Variants in GOLM2 observed in about 807,000 individuals in gnomAD.
GOLM2 encodes golgi membrane protein 2.
In GOLM2, 26 loss-of-function variants were observed where a neutral mutation model predicts 55.9. The observed-to-expected ratio is 0.47, with a 90% CI of 0.34 to 0.65. The LOEUF (loss-of-function observed/expected upper bound fraction) is 0.65, where lower values mean the gene tolerates loss of function less well. GOLM2 is among the 30% of genes least tolerant of loss of function. The pLI is 0.01. For synonymous variants in GOLM2, 165 were observed against 194.6 expected, an observed-to-expected ratio of 0.85 and a Z score of 1.27; for missense variants, 486 against 531.8, an observed-to-expected ratio of 0.91 and a Z score of 0.85.
At chr15:44,366,929 A>G (rs116295398) in intron 6 of GOLM2, among the ~76,000 whole-genome samples, 1,809 of 152,280 alleles carry the variant, frequency 0.012, 42 homozygotes, top group East Asian at 0.094. Flanking sequence ...TTTGGTAGAG[A>G]TTATTTTTCT....
chr15:44,361,834 G>C (rs1222691587), intron 6 of GOLM2, among the ~76,000 whole-genome samples: 2 of 152,120 alleles, frequency 1.3e-5, no homozygotes, highest in Admixed American at 6.5e-5. Flanking sequence ...ACATCAAAAA[G>C]CTTATCCGCC....
intron 8 of GOLM2, among the ~76,000 whole-genome samples, chr15:44,396,157 C>T (rs2079525487): frequency 6.6e-6 from 1 of 152,052 alleles, no homozygotes; most frequent in African/African-American, 2.4e-5. Context: ...GAGTTCGAGA[C>T]CAGCCTGGCC....
intron 5 of GOLM2, 136 bp from the exon 6 acceptor site, chr15:44,338,101 A>C (rs974906580): frequency 5.1e-6 from 5 of 974,162 alleles, no homozygotes; most frequent in Non-Finnish European, 7.7e-6. Context: ...AGTTACAGCT[A>C]TGTCCAAAGC....
chr15:44,340,003 G>A (rs552564422), intron 6 of GOLM2, among the ~76,000 whole-genome samples: 1 of 151,660 alleles, frequency 6.6e-6, no homozygotes, highest in Non-Finnish European at 1.5e-5. Context: ...TAGTTTTTTT[G>A]TAGAGATAAG....
chr15:44,357,840 T>C (rs2079207887), intron 6 of GOLM2, among the ~76,000 whole-genome samples: 1 of 152,202 alleles, frequency 6.6e-6, no homozygotes, highest in African/African-American at 2.4e-5. Flanking sequence ...ATAAATTTAA[T>C]AAAATGTGTG....
At chr15:44,338,750 G>C (rs777988354) in intron 6 of GOLM2, among the ~76,000 whole-genome samples, 7 of 152,084 alleles carry the variant, frequency 4.6e-5, no homozygotes, top group African/African-American at 1.4e-4. Context: ...GGCTTGGCTT[G>C]TCCTTTTAGT....
chr15:44,318,566 G>C (rs967192452), intron 1 of GOLM2, among the ~76,000 whole-genome samples: 6 of 152,152 alleles, frequency 3.9e-5, no homozygotes, highest in African/African-American at 1.4e-4. Context: ...AAAATTAGCT[G>C]TGTGTGGTGG....
rs1269058108 is a variant in GOLM2 at position 44,309,150 on chromosome 15, G to C, written c.328-13815G>C. ...AAGGTGAAAGATAACAAATGTTGGT[G>C]AGGATGTGGAGAAAGGGGAACCCTT... On this transcript the variant is annotated intron_variant, in intron 1 of 9. Transcript: ENST00000299957. Among the ~76,000 whole-genome samples the C allele has an allele frequency of 1.1e-4, 16 of 152,190 alleles. 1 individual carries two copies. Among genetic ancestry groups the C allele is most frequent in the Admixed American group, 9.8e-4 (15 of 15,276 alleles).
chr15:44,335,029 CAAAAATTAAAAAATTA>C (rs989622282), intron 4 of GOLM2, among the ~76,000 whole-genome samples: 1 of 151,970 alleles, frequency 6.6e-6, no homozygotes, highest in African/African-American at 2.4e-5. Context: ...GACTACATCT[CAAAAATTAAAAAATTA>C]AAAAATTAAA....
At chr15:44,334,996 A>T (rs2079046887) in intron 4 of GOLM2, among the ~76,000 whole-genome samples, 1 of 152,190 alleles carries the variant, frequency 6.6e-6, no homozygotes, top group South Asian at 2.1e-4. Flanking sequence ...GCACCACTGC[A>T]CTCCAGCCTG....
chr15:44,325,280 A>G (rs1441795221), intron 2 of GOLM2, among the ~76,000 whole-genome samples: 8 of 152,204 alleles, frequency 5.3e-5, no homozygotes, highest in African/African-American at 1.9e-4. Flanking sequence ...CTTTCTCTGT[A>G]TTCAAATAGG....
At chr15:44,301,002 A>G (rs550107811) in intron 1 of GOLM2, among the ~76,000 whole-genome samples, 27 of 152,288 alleles carry the variant, frequency 1.8e-4, no homozygotes, top group Admixed American at 1.2e-3. Context: ...TTCCCTGAGG[A>G]TGACTTCAAA....
At chr15:44,338,194 G>A in intron 5 of GOLM2, 43 bp from the exon 6 acceptor site, 2 of 1,554,690 alleles carry the variant, frequency 1.3e-6, no homozygotes, top group Non-Finnish European at 1.8e-6. Flanking sequence ...TTCAAATTAT[G>A]TAAGAAAAAC....
At chr15:44,382,480 C>G (rs2079410128) in intron 8 of GOLM2, among the ~76,000 whole-genome samples, 1 of 151,898 alleles carries the variant, frequency 6.6e-6, no homozygotes, top group Non-Finnish European at 1.5e-5. Flanking sequence ...GTCCACATCA[C>G]CATGCCTGGC....
chr15:44,305,370 G>T (rs1439674126), intron 1 of GOLM2, among the ~76,000 whole-genome samples: 1 of 151,180 alleles, frequency 6.6e-6, no homozygotes, highest in Non-Finnish European at 1.5e-5. Flanking sequence ...TGCGATCTCG[G>T]CTCACTACAA....
chr15:44,395,954 T>A (rs907077885), intron 8 of GOLM2, among the ~76,000 whole-genome samples: 2 of 152,232 alleles, frequency 1.3e-5, no homozygotes, highest in Admixed American at 1.3e-4. Flanking sequence ...AGTGTTCATT[T>A]ATTTATAGGT....
intron 8 of GOLM2, chr15:44,382,112 AT>A (rs2079407297): frequency 6.6e-6 from 1 of 151,972 alleles, no homozygotes; most frequent in African/African-American, 2.4e-5. Context: ...ATATCTGTGT[AT>A]CTTGACCAAA....
At chr15:44,344,776 A>T (rs11854067) in intron 6 of GOLM2, among the ~76,000 whole-genome samples, 24,847 of 148,536 alleles carry the variant, frequency 0.17, 2,704 homozygotes, top group South Asian at 0.32. Flanking sequence ...TATTTATTTA[A>T]TTAATTTTTT....
At chr15:44,386,114 C>T (rs2079442160) in intron 8 of GOLM2, among the ~76,000 whole-genome samples, 1 of 152,126 alleles carries the variant, frequency 6.6e-6, no homozygotes, top group African/African-American at 2.4e-5. Context: ...GTGCCAAAAT[C>T]ATGGTAATGA....
Sources: gnomAD v4.1 joint callset for allele counts (sites outside exome capture counted in the v4.1 genomes callset) on GRCh38, gnomAD v4.1.1 for gene constraint, MANE v1.5 for transcripts, NCBI Gene and HGNC (gene_info 2026-07-23, HGNC 2026-07-21) for gene names.